DNAH11: variants seen among roughly 807,000 people sequenced by gnomAD.
The protein encoded by DNAH11 is axonemal beta dynein heavy chain 11.
In DNAH11, 442 loss-of-function variants were observed where a neutral mutation model predicts 526.0. That is an observed-to-expected ratio of 0.84 (90% CI 0.78 to 0.91). The LOEUF (loss-of-function observed/expected upper bound fraction) is 0.91, where lower values mean the gene tolerates loss of function less well. Among genes scored for constraint, DNAH11 ranks in the 40% least tolerant of loss-of-function variants. The pLI, the probability that DNAH11 is intolerant of heterozygous loss-of-function variation, is 0.00. For missense variants in DNAH11, 6,989 were observed against 5,448.7 expected, an observed-to-expected ratio of 1.28 and a Z score of -8.90; for synonymous variants, 2,461 against 1,935.9, an observed-to-expected ratio of 1.27 and a Z score of -7.12.
At chr7:21,667,061 G>C (rs1782449311) in intron 30 of DNAH11, among the ~76,000 whole-genome samples, 1 of 152,074 alleles carries the variant, frequency 6.6e-6, no homozygotes. Context: ...TTTTCACCCA[G>C]CAAAATTTCA....
intron 46 of DNAH11, among the ~76,000 whole-genome samples, chr7:21,737,299 T>C (rs188138884): frequency 1.6e-4 from 25 of 152,330 alleles, no homozygotes; most frequent in Admixed American, 1.1e-3. Context: ...TTTGGAGTTA[T>C]ACTGCAGATA....
At chr7:21,752,455 A>G (rs1481381273) in intron 54 of DNAH11, among the ~76,000 whole-genome samples, 2 of 152,108 alleles carry the variant, frequency 1.3e-5, no homozygotes, top group African/African-American at 2.4e-5. Flanking sequence ...TGGATTGTAC[A>G]TATTTTTGTA....
At chr7:21,581,364 A>G (rs1784301606) in intron 8 of DNAH11, among the ~76,000 whole-genome samples, 1 of 152,196 alleles carries the variant, frequency 6.6e-6, no homozygotes, top group Admixed American at 6.5e-5. Context: ...GGGAAAACGT[A>G]AGAGTATTTG....
chr7:21,816,563 A>C lies in DNAH11; in HGVS notation c.10429A>C (p.Arg3477=). The change falls in exon 64 of 82, where the codon AGA becomes CGA. Residue 3477 remains arginine, a synonymous_variant. Transcript: ENST00000409508. ...AWNNEGLPSD[R]MSTENAAILT... is the part of the protein sequence containing the mutation. Reference sequence around the variant, plus strand: ...GAATAACGAAGGACTGCCCAGTGACAGAATGTCCACCGAAAATGCCGCTAT... The same window carrying C: ...GAATAACGAAGGACTGCCCAGTGACCGAATGTCCACCGAAAATGCCGCTAT... The C allele has an allele frequency of 6.2e-7, 1 of 1,613,350 alleles. No individual in the cohort carries two copies. Among genetic ancestry groups the C allele is most frequent in the African/African-American group, 1.3e-5 (1 of 75,032 alleles).
At chr7:21,629,796 C>T (rs1270616348) in intron 25 of DNAH11, among the ~76,000 whole-genome samples, 2 of 151,994 alleles carry the variant, frequency 1.3e-5, no homozygotes, top group Non-Finnish European at 2.9e-5. Flanking sequence ...CTTTCACTTT[C>T]AGTCTGTGTG....
In DNAH11 at chr7:21,543,330, G is replaced by A. The variant is rs1163023011; in HGVS notation, c.85G>A (p.Ala29Thr). 3 of 1,550,776 alleles carry A rather than the reference G, an allele frequency of 1.9e-6. No individual in the cohort carries two copies. In the African/African-American group the frequency reaches 4.1e-5, roughly 21 times the overall value. The change falls in exon 1 of 82, where the codon GCA becomes ACA. Residue 29 changes from alanine (A) to threonine (T), a missense_variant. Ala to Thr is a moderately conservative substitution (Grantham distance 58). Coordinates refer to ENST00000409508, the MANE Select transcript of DNAH11 (RefSeq NM_001277115.2). The stretch of plus-strand genomic sequence containing the variant: ...CCTAACCTCGGGGGCCGGCCTGGAG[G>A]CAGTGGGCGCTGTGGAGCTCGAGGA... ...LRLTSGAGLE[A>T]VGAVELEEEE...
At chr7:21,825,091 G>C (rs149189681) in intron 65 of DNAH11, among the ~76,000 whole-genome samples, 1 of 152,028 alleles carries the variant, frequency 6.6e-6, no homozygotes, top group Non-Finnish European at 1.5e-5. Context: ...GGCTGGTCTC[G>C]AACTCCTGAC....
At chr7:21,828,699 G>A (rs1790416688) in intron 65 of DNAH11, among the ~76,000 whole-genome samples, 1 of 149,550 alleles carries the variant, frequency 6.7e-6, no homozygotes, top group African/African-American at 2.5e-5. Context: ...GTTGAAGCGT[G>A]TGTAGGTGTG....
At chr7:21,900,216 C>T in intron 81 of DNAH11, 96 bp downstream of exon 81, 5 of 1,308,130 alleles carry the variant, frequency 3.8e-6, no homozygotes, top group Admixed American at 2.7e-5. Context: ...TCTCCTCACT[C>T]ACACAGTAAC....
intron 68 of DNAH11, among the ~76,000 whole-genome samples, chr7:21,857,075 G>T (rs1782881139): frequency 6.6e-6 from 1 of 152,056 alleles, no homozygotes; most frequent in Admixed American, 6.6e-5. Flanking sequence ...AAAATCCCAA[G>T]AAACTCACCA....
At chr7:21,680,014 G>A (rs904328341) in intron 30 of DNAH11, among the ~76,000 whole-genome samples, 1 of 152,198 alleles carries the variant, frequency 6.6e-6, no homozygotes, top group Non-Finnish European at 1.5e-5. Context: ...AATGAGATCA[G>A]CAACGTGCTT....
chr7:21,674,551 C>T (rs1391681220), intron 30 of DNAH11, among the ~76,000 whole-genome samples: 1 of 152,228 alleles, frequency 6.6e-6, no homozygotes, highest in Middle Eastern at 3.4e-3. Flanking sequence ...TTAGTAGATA[C>T]AGGGTTTCGC....
At position 21,801,213 on chromosome 7, in the gene DNAH11, A is replaced by T. The variant is rs1788977486; in HGVS notation, c.10103A>T (p.Glu3368Val). The T allele has an allele frequency of 1.2e-6, 2 of 1,613,664 alleles. No homozygotes were observed. The highest frequency in any genetic ancestry group is 1.3e-5 in the African/African-American group (1 of 74,938). ...GCTGAGAAAGTCCGGTGTCAAGAAG[A>T]GGTGAACCAAACCAACAAAACCATC... ...ATAEKVRCQE[E>V]VNQTNKTIKL... The change falls in exon 62 of 82, where the codon GAG (glutamate) becomes GTG (valine). Residue 3368 changes from glutamate (E) to valine (V), a missense_variant. By Grantham distance (121) the Glu-to-Val change is moderately radical. Transcript: ENST00000409508.
intron 31 of DNAH11, 60 bp from the exon 32 acceptor site, chr7:21,683,724 A>G (rs1783243078): frequency 6.8e-7 from 1 of 1,469,446 alleles, no homozygotes; most frequent in African/African-American, 1.4e-5. Context: ...TGATTAGATT[A>G]ATAACTTGTT....
chr7:21,807,926 A>G lies in DNAH11; in HGVS notation c.10209A>G (p.Gln3403=), dbSNP rs763819043. The G allele has an allele frequency of 1.5e-5, 24 of 1,608,918 alleles. No individual in the cohort carries two copies. In the South Asian group the frequency reaches 2.4e-4, roughly 16 times the overall value. ...AATCCATTAAGTCCTTTGAAGCTCA[A>G]GAGAAGACACTCTGTGGAGATGTTC... ...WGQSIKSFEA[Q]EKTLCGDVLL... is the part of the protein sequence containing the mutation. The change falls in exon 63 of 82, where the codon CAA becomes CAG. Residue 3403 remains glutamine (Q), a synonymous_variant. Transcript: ENST00000409508.
intron 65 of DNAH11, among the ~76,000 whole-genome samples, chr7:21,820,931 G>C (rs954034367): frequency 6.6e-6 from 1 of 152,164 alleles, no homozygotes; most frequent in African/African-American, 2.4e-5. Context: ...GACTGAAGGG[G>C]CGTGGACCTA....
chr7:21,637,559 T>C, intron 26 of DNAH11, 52 bp from the exon 27 acceptor site: 3 of 1,187,346 alleles, frequency 2.5e-6, no homozygotes, highest in East Asian at 5.1e-5. Context: ...TGATTAAAAG[T>C]TTAGAAAAGA....
intron 71 of DNAH11, among the ~76,000 whole-genome samples, chr7:21,866,931 A>G (rs1039003868): frequency 2.0e-5 from 3 of 152,356 alleles, no homozygotes; most frequent in Admixed American, 6.5e-5. Context: ...TTCCTGGAAG[A>G]GAAATGGGTG....
Position 21,707,853 on chromosome 7 carries a change from G to A in DNAH11, c.6683+18G>A. On this transcript the variant is annotated intron_variant, in intron 40 of 81. Transcript: ENST00000409508. Reference sequence around the variant, plus strand: ...GATGGCAAGTAGTATTTCCCCTTTAGAAGTGCTCAATTTTTTTTTTCTATC... The same window carrying A: ...GATGGCAAGTAGTATTTCCCCTTTAAAAGTGCTCAATTTTTTTTTTCTATC... The A allele has an allele frequency of 6.4e-7, 1 of 1,553,828 alleles. No homozygotes were observed. The highest frequency in any genetic ancestry group is 1.4e-5 in the African/African-American group (1 of 72,202).
Sources: gnomAD v4.1 joint callset for allele counts (sites outside exome capture counted in the v4.1 genomes callset) on GRCh38, gnomAD v4.1.1 for gene constraint, MANE v1.5 for transcripts, NCBI Gene and HGNC (gene_info 2026-07-23, HGNC 2026-07-21) for gene names.